The following CEP131 variants were observed in gnomAD, a reference collection of about 807,000 sequenced individuals.
The protein encoded by CEP131 is centrosomal protein of 131 kDa.
CEP131 carries 99 observed loss-of-function variants against 136.8 expected under a neutral mutation model. The observed-to-expected ratio is 0.72, with a 90% confidence interval of 0.62 to 0.86. CEP131 has a LOEUF of 0.86. Among genes scored for constraint, CEP131 ranks in the 40% least tolerant of loss-of-function variants. The pLI, the probability that CEP131 is intolerant of heterozygous loss-of-function variation, is 0.00. For missense variants in CEP131, 1,459 were observed against 1,463.0 expected (o/e 1.00, Z 0.04); for synonymous variants, 646 against 612.7 (o/e 1.05, Z -0.80).
chr17:81,197,616 C>A (rs146007499), intron 13 of CEP131, 96 bp downstream of exon 13: 2 of 1,462,452 alleles, frequency 1.4e-6, no homozygotes, highest in Admixed American at 4.9e-5. Context: ...GGGCCAGGTG[C>A]GGGCTGGTGA....
Position 81,199,380 on chromosome 17 carries a change from C to T in CEP131, c.1192+1G>A, listed in dbSNP as rs781188708. 2.5e-6 allele frequency: 4 copies of T among 1,600,276 alleles called. No homozygotes were observed. Among genetic ancestry groups the T allele is most frequent in the East Asian group, 2.2e-5 (1 of 44,556 alleles). ...CAGGGCGGGCGTGGAGCCACTCTCA[C>T]CAGTATTGTTGGCCTTGAGGGCCTG... is the stretch of plus-strand genomic sequence containing the variant. On this transcript the variant is annotated splice_donor_variant, in intron 10 of 25. Coordinates refer to ENST00000450824, the MANE Select transcript of CEP131 (RefSeq NM_014984.4). LOFTEE classifies it high-confidence loss of function.
chr17:81,192,958 C>T (rs2061676334), intron 18 of CEP131, 115 bp from the exon 19 acceptor site: 2 of 1,455,000 alleles, frequency 1.4e-6, no homozygotes, highest in African/African-American at 1.4e-5. Flanking sequence ...AGCAGCCCTC[C>T]GGGGCCCTGC....
intron 19 of CEP131, 51 bp downstream of exon 19, chr17:81,192,685 G>GGGGGGGGGGGGCCCCCCCC: frequency 4.2e-6 from 2 of 478,418 alleles, no homozygotes; most frequent in Non-Finnish European, 4.1e-6. Context: ...GGGGGGAGGG[G>GGGGGGGGGGGGCCCCCCCC]TCAGCCAGCG....
chr17:81,206,926 C>A, intron 4 of CEP131, 55 bp from the exon 5 acceptor site: 1 of 1,576,486 alleles, frequency 6.3e-7, no homozygotes, highest in Non-Finnish European at 8.6e-7. Context: ...CACCCCATCC[C>A]TTCCCTGCCT....
Position 81,207,193 on chromosome 17 carries a change from T to G in CEP131, c.319A>C (p.Ser107Arg), listed in dbSNP as rs776135312. The change falls in exon 4 of 26, where the codon AGT becomes CGT. Residue 107 changes from serine to arginine, a missense_variant. Transcript: ENST00000450824. ...DFLMLFEGSP[S>R]GKKRPASLST... ...AGGCTGGCAGGCCTCTTTTTCCCAC[T>G]GGGGCTGCCCTCGAAGAGCATCAGG... 2.5e-6 allele frequency: 4 copies of G among 1,613,472 alleles called. No homozygotes were observed. Among genetic ancestry groups the G allele is most frequent in the Non-Finnish European group, 3.4e-6 (4 of 1,179,906 alleles).
At position 81,203,884 on chromosome 17, in the gene CEP131, A is replaced by G. The variant is rs1397635758; in HGVS notation, c.516-277T>C. On this transcript the variant is annotated intron_variant, in intron 5 of 25. Transcript: ENST00000450824. The surrounding 1 kb of genome is among the most constrained non-coding windows in gnomAD (Gnocchi z 4.6). The stretch of plus-strand genomic sequence containing the variant: ...TGGACGTGCCCAAGACGGGGGGAGC[A>G]GCTCAGGCCAGCAGCTCACAATCAG... The G allele has an allele frequency of 4.8e-6, 2 of 412,970 alleles. No individual in the cohort carries two copies. The highest frequency in any genetic ancestry group is 8.9e-6 in the Non-Finnish European group (2 of 225,542). 25.6% of individuals were successfully genotyped at this position (412,970 alleles called of 1,614,324 possible).
chr17:81,197,497 C>T (rs1268560642), intron 13 of CEP131: 9 of 722,738 alleles, frequency 1.2e-5, no homozygotes, highest in Non-Finnish European at 1.7e-5. Context: ...CTGCCACCTC[C>T]ACCCTGAGAG....
rs747588950 is a variant in CEP131 at position 81,190,984 on chromosome 17, C to T, written c.2866G>A (p.Gly956Arg). The change falls in exon 23 of 26, where the codon GGG becomes AGG. Residue 956 changes from glycine to arginine, a missense_variant. Physicochemically the swap from Gly to Arg is moderately radical, Grantham distance 125. This residue lies in a region of CEP131 where 1,026 missense variants were observed against 964.2 expected (regional missense o/e 1.06). Coordinates refer to ENST00000450824, the MANE Select transcript of CEP131 (RefSeq NM_014984.4). ...ERCSELKGQL[G>R]EAEGENLRLQ... ...CGCAGATTCTCGCCCTCGGCCTCCC[C>T]AAGCTGGCCCTTCAGCTCCGAGCAC... 38 of 1,607,794 alleles carry T rather than the reference C, an allele frequency of 2.4e-5. No homozygotes were observed. In the South Asian group the frequency reaches 4.0e-4, roughly 17 times the overall value.
chr17:81,217,796 C>T (rs546478154), intron 2 of CEP131, among the ~76,000 whole-genome samples: 14 of 152,266 alleles, frequency 9.2e-5, no homozygotes, highest in South Asian at 2.1e-4. Flanking sequence ...AAGGAGGGAT[C>T]GATATGAGTA....
At position 81,193,989 on chromosome 17, in the gene CEP131, C is replaced by T. The variant is rs201249756; in HGVS notation, c.2258G>A (p.Arg753Gln). The change falls in exon 18 of 26, where the codon CGG becomes CAG. Residue 753 changes from arginine (R) to glutamine (Q), a missense_variant. Coordinates refer to ENST00000450824, the MANE Select transcript of CEP131 (RefSeq NM_014984.4). ...QRCLRQAEELREQLEREKEAL... is the reference protein window; with the variant it reads ...QRCLRQAEELQEQLEREKEAL... ...CTCCTTCTCCCGCTCCAGCTGCTCC[C>T]GCAGCTCCTCGGCCTGGCGCAGGCA... 457 of 1,550,622 alleles carry T rather than the reference C, an allele frequency of 2.9e-4. 2 individuals carry two copies. The African/African-American group carries it at 5.5e-3, about 19-fold the overall frequency.
At position 81,198,994 on chromosome 17, in the gene CEP131, A is replaced by C. The variant is rs781172252; in HGVS notation, c.1193-23T>G. On this transcript the variant is annotated intron_variant, in intron 10 of 25. Transcript: ENST00000450824. ...CACCTGCACAGCAGAACACAGCACC[A>C]TTCCACAGGGAGCATCCCGGGGCGG... 3.3e-6 allele frequency: 5 copies of C among 1,509,514 alleles called. No individual in the cohort carries two copies. The East Asian group carries it at 1.2e-4, about 37-fold the overall frequency. The allele number at this position is 1,509,514 out of a possible 1,614,324, so 93.5% of individuals were successfully genotyped here.
chr17:81,201,233 G>A (rs2061883888), intron 7 of CEP131, among the ~76,000 whole-genome samples: 1 of 152,160 alleles, frequency 6.6e-6, no homozygotes, highest in Non-Finnish European at 1.5e-5. Flanking sequence ...CGGGCTTCTG[G>A]TCCCCCTTCC....
chr17:81,207,323 C>G (rs1227477197), intron 3 of CEP131, 84 bp from the exon 4 acceptor site: 1 of 1,242,032 alleles, frequency 8.1e-7, no homozygotes, highest in Non-Finnish European at 1.1e-6. Context: ...GCAGGTCCCG[C>G]GAGGACAGAG....
intron 13 of CEP131, 113 bp from the exon 14 acceptor site, chr17:81,197,168 C>T (rs1286927732): frequency 2.3e-5 from 33 of 1,424,996 alleles, no homozygotes; most frequent in East Asian, 7.5e-5. Flanking sequence ...CTGCTGCACA[C>T]GGGAGCCCGT....
intron 13 of CEP131, 112 bp downstream of exon 13, chr17:81,197,600 C>A: frequency 1.4e-6 from 2 of 1,426,710 alleles, no homozygotes; most frequent in Non-Finnish European, 1.8e-6. Context: ...GACCTCCTCC[C>A]CCTGGGGGCC....
Position 81,191,251 on chromosome 17 carries a change from G to A in CEP131, c.2707C>T (p.Arg903Trp), listed in dbSNP as rs757759866. 2.0e-5 allele frequency: 33 copies of A among 1,613,486 alleles called. No individual in the cohort carries two copies. Among genetic ancestry groups the A allele is most frequent in the South Asian group, 3.3e-5 (3 of 91,086 alleles). The change falls in exon 22 of 26, where the codon CGG (arginine) becomes TGG (tryptophan). Residue 903 changes from arginine to tryptophan, a missense_variant. Around this residue, in one of 3 missense-constraint regions of CEP131, gnomAD observed 1,026 missense variants for 964.2 expected, o/e 1.06. Transcript: ENST00000450824. ...RDKEIELVIH[R>W]LEADMALAKE... Reference sequence around the variant, plus strand: ...GCCAGCGCCATGTCGGCCTCCAGCCGGTGAATGACCAGCTCAATCTCCTTG... The same window carrying A: ...GCCAGCGCCATGTCGGCCTCCAGCCAGTGAATGACCAGCTCAATCTCCTTG...
intron 8 of CEP131, 50 bp from the exon 9 acceptor site, chr17:81,199,885 C>A: frequency 6.4e-7 from 1 of 1,573,520 alleles, no homozygotes; most frequent in South Asian, 1.1e-5. Flanking sequence ...AAGACGGAAT[C>A]CAGACCCAGA....
chr17:81,191,230 G>A lies in CEP131; in HGVS notation c.2728C>T (p.Leu910=). 1 of 1,613,096 alleles carries A rather than the reference G, an allele frequency of 6.2e-7. No individual in the cohort carries two copies. The highest frequency in any genetic ancestry group is 8.5e-7 in the Non-Finnish European group (1 of 1,179,964). Residue 910 remains leucine (L), a synonymous_variant, in exon 22 of 26, where the codon CTG becomes TTG. Transcript: ENST00000450824. ...VIHRLEADMA[L]AKEESEKAAE... ...GCCTTCTCACTCTCCTCCTTGGCCA[G>A]CGCCATGTCGGCCTCCAGCCGGTGA...
intron 4 of CEP131, 101 bp from the exon 5 acceptor site, chr17:81,206,972 C>T (rs889509073): frequency 1.3e-6 from 2 of 1,544,812 alleles, no homozygotes; most frequent in African/African-American, 1.4e-5. Flanking sequence ...ACTTCCCATA[C>T]AGACAGGTGG....
Sources: gnomAD v4.1 joint callset for allele counts (sites outside exome capture counted in the v4.1 genomes callset) on GRCh38, gnomAD v4.1.1 for gene constraint, gnomAD v4.1.1 regional missense constraint, Gnocchi (gnomAD v3.1) non-coding constraint, MANE v1.5 for transcripts, NCBI Gene and HGNC (gene_info 2026-07-23, HGNC 2026-07-21) for gene names.